MINDY3: variants seen among roughly 807,000 people sequenced by gnomAD.
MINDY3 encodes the protein MINDY lysine 48 deubiquitinase 3.
A neutral mutation model predicts 69.2 loss-of-function variants in MINDY3; 38 were observed. That is an observed-to-expected ratio of 0.55 (90% CI 0.42 to 0.72). MINDY3 has a LOEUF of 0.72. Among genes scored for constraint, MINDY3 ranks in the 30% least tolerant of loss-of-function variants. The probability of loss-of-function intolerance (pLI) is 0.00; values close to 1 mark genes in which losing one functional copy is unlikely to be tolerated. For missense variants in MINDY3, 522 were observed against 519.0 expected (o/e 1.01, Z -0.06); for synonymous variants, 192 against 180.1 (o/e 1.07, Z -0.53).
chr10:15,851,500 G>T (rs1714548282), intron 1 of MINDY3, among the ~76,000 whole-genome samples: 1 of 151,650 alleles, frequency 6.6e-6, no homozygotes, highest in African/African-American at 2.4e-5. Context: ...TGTTTCTTCT[G>T]CTTGATACAC....
intron 10 of MINDY3, among the ~76,000 whole-genome samples, chr10:15,803,161 T>C (rs1266536666): frequency 6.6e-6 from 1 of 152,170 alleles, no homozygotes; most frequent in Non-Finnish European, 1.5e-5. Context: ...TGTTCAGAGA[T>C]GTAATCAGAA....
rs1009067549 is a variant in MINDY3 at position 15,834,698 on chromosome 10, A to G, written c.577-82T>C. On this transcript the variant is annotated intron_variant, in intron 6 of 14. Coordinates refer to ENST00000277632, the MANE Select transcript of MINDY3 (RefSeq NM_024948.4). ...GTTTAAAAACTGACTAGTTTACACT[A>G]TAAACTAATACAATTATTTAAGTAA... The G allele has an allele frequency of 1.1e-4, 91 of 831,638 alleles. 1 individual carries two copies. The highest frequency in any genetic ancestry group is 1.5e-4 in the Non-Finnish European group (79 of 509,726). 51.5% of individuals were successfully genotyped at this position (831,638 alleles called of 1,614,324 possible).
intron 8 of MINDY3, among the ~76,000 whole-genome samples, chr10:15,827,907 A>C (rs552959991): frequency 6.6e-6 from 1 of 152,242 alleles, no homozygotes; most frequent in Admixed American, 6.5e-5. Context: ...TCTAAGTGTC[A>C]GGCAGGATGC....
At chr10:15,792,628 T>TAAAG (rs1229933507) in intron 11 of MINDY3, among the ~76,000 whole-genome samples, 1 of 151,952 alleles carries the variant, frequency 6.6e-6, no homozygotes, top group East Asian at 1.9e-4. Context: ...CAATTATTCT[T>TAAAG]AAAGATTAAA....
In MINDY3 at chr10:15,851,253, T is replaced by A. The variant is rs555411078; in HGVS notation, c.95-3310A>T. ...CATTCTATATATTTTTCCTGAGTAA[T>A]CTCATCTACTCCCAGACAGTCCATT... is the stretch of plus-strand genomic sequence containing the variant. On this transcript the variant is annotated intron_variant, in intron 1 of 14. Coordinates refer to ENST00000277632, the MANE Select transcript of MINDY3 (RefSeq NM_024948.4). Among the ~76,000 whole-genome samples, 42 of 152,302 alleles carry A rather than the reference T, an allele frequency of 2.8e-4. No homozygotes were observed. The South Asian group carries it at 8.5e-3, about 31-fold the overall frequency.
intron 10 of MINDY3, among the ~76,000 whole-genome samples, chr10:15,806,030 G>A (rs149449760): frequency 1.3e-5 from 2 of 152,118 alleles, no homozygotes; most frequent in African/African-American, 2.4e-5. Context: ...AACAATGTCA[G>A]TAGTCACACA....
chr10:15,840,529 TG>T (rs1225874415), intron 4 of MINDY3, among the ~76,000 whole-genome samples: 1 of 151,704 alleles, frequency 6.6e-6, no homozygotes, highest in African/African-American at 2.4e-5. Flanking sequence ...TAATACTATA[TG>T]GAAAGCAAAA....
chr10:15,838,166 A>G lies in MINDY3; in HGVS notation c.461+62T>C, dbSNP rs560010177. 1.6e-5 allele frequency: 24 copies of G among 1,529,270 alleles called. 2 individuals are homozygous for G. In the South Asian group the frequency reaches 3.1e-4, roughly 19 times the overall value. The allele number at this position is 1,529,270 out of a possible 1,614,324, so 94.7% of individuals were successfully genotyped here. A position where few individuals can be genotyped will look rare whatever the true frequency, so the allele number is the denominator to read the frequency against. ...AACTAAGAACCTTTCCACAGTATGAACAGACTTAAAGTGGCAATGTGTCCA... is the reference window on the plus strand; with the variant it reads ...AACTAAGAACCTTTCCACAGTATGAGCAGACTTAAAGTGGCAATGTGTCCA... On this transcript the variant is annotated intron_variant, in intron 5 of 14. Coordinates refer to ENST00000277632, the MANE Select transcript of MINDY3 (RefSeq NM_024948.4).
At chr10:15,792,843 T>A (rs1837523785) in intron 11 of MINDY3, among the ~76,000 whole-genome samples, 1 of 152,128 alleles carries the variant, frequency 6.6e-6, no homozygotes. Context: ...AGACACTACC[T>A]ATGTAGACCT....
At chr10:15,857,925 A>T (rs1834810735) in intron 1 of MINDY3, 1 of 983,794 alleles carries the variant, frequency 1.0e-6, no homozygotes, top group Non-Finnish European at 1.2e-6. Context: ...GCTTCCAGAA[A>T]ACTAATGAGA....
chr10:15,781,170 G>GTA (rs763132988), intron 14 of MINDY3, among the ~76,000 whole-genome samples: 149 of 151,818 alleles, frequency 9.8e-4, no homozygotes, highest in African/African-American at 3.1e-3. Context: ...TTTGGATGCT[G>GTA]TATATATATA....
At chr10:15,779,646 T>C (rs79713381) in intron 14 of MINDY3, among the ~76,000 whole-genome samples, 5,311 of 152,238 alleles carry the variant, frequency 0.035, 286 homozygotes, top group African/African-American at 0.12. Flanking sequence ...ATTTGAATGT[T>C]TGTCAACAAA....
rs1178837648 is a variant in MINDY3 at position 15,822,514 on chromosome 10, T to TA, written c.731-789dup. On this transcript the variant is annotated intron_variant, in intron 8 of 14. Coordinates refer to ENST00000277632, the MANE Select transcript of MINDY3 (RefSeq NM_024948.4). ...AACAGGTATGAAAAATCGATGCATT[T>TA]AAGGAATGAAGAATTTGGCAAAGTT... 2.0e-5 allele frequency among the ~76,000 whole-genome samples: 3 copies of TA among 152,182 alleles called. No individual in the cohort carries two copies. The East Asian group carries it at 5.8e-4, about 29-fold the overall frequency.
intron 1 of MINDY3, 110 bp downstream of exon 1, chr10:15,860,096 C>T: frequency 1.3e-6 from 1 of 792,780 alleles, no homozygotes; most frequent in East Asian, 2.7e-5. Flanking sequence ...AGCACGGCGA[C>T]TGGGGCAGAG....
chr10:15,813,341 C>G (rs924385293), intron 10 of MINDY3, among the ~76,000 whole-genome samples: 1 of 152,020 alleles, frequency 6.6e-6, no homozygotes, highest in Admixed American at 6.6e-5. Context: ...TGAATTTGCT[C>G]TATTTGTCAT....
chr10:15,859,320 T>C (rs1314588952), intron 1 of MINDY3, among the ~76,000 whole-genome samples: 1 of 152,170 alleles, frequency 6.6e-6, no homozygotes, highest in Non-Finnish European at 1.5e-5. Context: ...GATGTTTTAA[T>C]AATAATAGTG....
At chr10:15,842,819 T>C (rs1408859060) in intron 3 of MINDY3, among the ~76,000 whole-genome samples, 1 of 151,020 alleles carries the variant, frequency 6.6e-6, no homozygotes, top group Non-Finnish European at 1.5e-5. Context: ...TTATTTGCAG[T>C]ATTTGCATTG....
rs1436229604 is a variant in MINDY3, at chr10:15,834,572, G to A, written c.621C>T (p.Pro207=). The A allele has an allele frequency of 6.2e-7, 1 of 1,611,566 alleles. No individual in the cohort carries two copies. The highest frequency in any genetic ancestry group is 8.5e-7 in the Non-Finnish European group (1 of 1,178,426). ...CATGTCCATATACAGGATCTATCAA[G>A]GGTTCACTTGCATCTTCAATTTCGT... ...IKNEIEDASE[P]LIDPVYGHGS... Residue 207 remains proline (P), a synonymous_variant, in exon 7 of 15, where the codon CCC becomes CCT. Transcript: ENST00000277632.
In MINDY3 at chr10:15,778,995, A is replaced by G. The variant is rs1232722959; in HGVS notation, c.1335T>C (p.Asn445=). 1 of 1,612,498 alleles carries G rather than the reference A, an allele frequency of 6.2e-7. No homozygotes were observed. The highest frequency in any genetic ancestry group is 1.1e-5 in the South Asian group (1 of 90,892). ...TCCTTATAAATACTTAGACAAATTAATTTAGTGAAGGAGAGCGATCTGTGG... is the reference window on the plus strand; with the variant it reads ...TCCTTATAAATACTTAGACAAATTAGTTTAGTGAAGGAGAGCGATCTGTGG... ...LWTTDRSPSL[N] The change falls in exon 15 of 15, where the codon AAT becomes AAC. Residue 445 remains asparagine, a synonymous_variant. Coordinates refer to ENST00000277632, the MANE Select transcript of MINDY3 (RefSeq NM_024948.4).
Sources: allele counts gnomAD v4.1 joint callset (sites outside exome capture counted in the v4.1 genomes callset), GRCh38; gene constraint gnomAD v4.1.1; transcripts MANE v1.5; gene names NCBI Gene and HGNC (gene_info 2026-07-23, HGNC 2026-07-21).